Variants in HPSE2 observed in about 807,000 individuals in gnomAD.
The protein encoded by HPSE2 is inactive heparanase-2.
A neutral mutation model predicts 60.5 loss-of-function variants in HPSE2; 38 were observed. The observed-to-expected ratio is 0.63, with a 90% CI of 0.48 to 0.82. The LOEUF (loss-of-function observed/expected upper bound fraction) is 0.82. HPSE2 is among the 40% of genes least tolerant of loss of function. The pLI, the probability that HPSE2 is intolerant of heterozygous loss-of-function variation, is 0.00. For synonymous variants in HPSE2, 295 were observed against 293.2 expected, an observed-to-expected ratio of 1.01 and a Z score of -0.06; for missense variants, 713 against 740.4, an observed-to-expected ratio of 0.96 and a Z score of 0.43.
intron 3 of HPSE2, among the ~76,000 whole-genome samples, chr10:98,834,873 C>CT (rs897284300): frequency 2.2e-4 from 32 of 146,502 alleles, no homozygotes; most frequent in Middle Eastern, 3.4e-3. Flanking sequence ...TCTCACCAGG[C>CT]TTTTTTTTTT....
chr10:98,874,006 GTCT>G (rs1952804508), intron 3 of HPSE2, among the ~76,000 whole-genome samples: 1 of 151,946 alleles, frequency 6.6e-6, no homozygotes, highest in Non-Finnish European at 1.5e-5. Context: ...CCACATAAAT[GTCT>G]TCTTTTGAAA....
At chr10:99,115,804 A>T (rs1190146442) in intron 3 of HPSE2, among the ~76,000 whole-genome samples, 1 of 152,204 alleles carries the variant, frequency 6.6e-6, no homozygotes, top group Non-Finnish European at 1.5e-5. Flanking sequence ...CTTCTAAGCA[A>T]CAGAGAGCAT....
At chr10:98,726,321 T>C (rs1949078115) in intron 4 of HPSE2, among the ~76,000 whole-genome samples, 1 of 152,108 alleles carries the variant, frequency 6.6e-6, no homozygotes, top group Non-Finnish European at 1.5e-5. Context: ...AATGATGAGT[T>C]CATGTCCTTT....
At chr10:98,991,722 G>A (rs1956528836) in intron 3 of HPSE2, among the ~76,000 whole-genome samples, 1 of 152,086 alleles carries the variant, frequency 6.6e-6, no homozygotes. Flanking sequence ...TTTGAAGAGA[G>A]AAGAGAAAGT....
chr10:98,690,436 G>A (rs925567465), intron 6 of HPSE2, among the ~76,000 whole-genome samples: 1 of 152,190 alleles, frequency 6.6e-6, no homozygotes, highest in Non-Finnish European at 1.5e-5. Context: ...AGCTACTCGG[G>A]AGGCTGAGGC....
intron 3 of HPSE2, among the ~76,000 whole-genome samples, chr10:99,006,858 C>A (rs1030536972): frequency 6.6e-6 from 1 of 151,814 alleles, no homozygotes; most frequent in African/African-American, 2.4e-5. Context: ...AGGCCTGGAG[C>A]CAAGGGCTGC....
chr10:98,599,222 C>G (rs1194334434), intron 9 of HPSE2, among the ~76,000 whole-genome samples: 1 of 151,298 alleles, frequency 6.6e-6, no homozygotes, highest in East Asian at 2.0e-4. Flanking sequence ...CTACATGTGT[C>G]AACCTGGTTC....
At chr10:99,272,335 A>G in the HPSE2 span, among the ~76,000 whole-genome samples, 1 of 152,138 alleles carries the variant, frequency 6.6e-6, no homozygotes, top group Non-Finnish European at 1.5e-5. Flanking sequence ...TTCTAGAAGG[A>G]AACATTGGAA....
At chr10:99,257,374 CT>C in the HPSE2 span, among the ~76,000 whole-genome samples, 1 of 152,138 alleles carries the variant, frequency 6.6e-6, no homozygotes, top group Non-Finnish European at 1.5e-5. Flanking sequence ...TCACTGAATT[CT>C]TTTTCTCAGC....
At chr10:99,303,852 C>T in the HPSE2 span, among the ~76,000 whole-genome samples, 2 of 152,086 alleles carry the variant, frequency 1.3e-5, no homozygotes, top group African/African-American at 2.4e-5. Flanking sequence ...TAATTTTTTG[C>T]CCTTGCTTGT....
At chr10:98,957,936 G>C (rs1037763616) in intron 3 of HPSE2, among the ~76,000 whole-genome samples, 5 of 152,088 alleles carry the variant, frequency 3.3e-5, no homozygotes, top group African/African-American at 1.2e-4. Context: ...CTTCGGATTC[G>C]CCCAGATTTC....
At chr10:98,618,944 A>G (rs1418488324) in intron 8 of HPSE2, among the ~76,000 whole-genome samples, 1 of 152,170 alleles carries the variant, frequency 6.6e-6, no homozygotes, top group Non-Finnish European at 1.5e-5. Context: ...CACTTCATGC[A>G]TTTGAACCAC....
chr10:98,736,734 A>G (rs1292215696), intron 4 of HPSE2, among the ~76,000 whole-genome samples: 1 of 152,130 alleles, frequency 6.6e-6, no homozygotes, highest in Non-Finnish European at 1.5e-5. Context: ...GTTTATCCTA[A>G]CTTTACCTTT....
intron 6 of HPSE2, among the ~76,000 whole-genome samples, chr10:98,662,071 T>C (rs1168915974): frequency 5.9e-5 from 9 of 152,120 alleles, no homozygotes; most frequent in African/African-American, 7.2e-5. Flanking sequence ...ATTTTTTGTA[T>C]TTTAGTAGAG....
Position 99,232,748 on chromosome 10 carries a change from G to C in HPSE2, c.291-243C>G, listed in dbSNP as rs3814144. Among the ~76,000 whole-genome samples, 133,410 of 152,280 alleles carry C rather than the reference G, an allele frequency of 0.88. 58,647 individuals carry two copies. The highest frequency in any genetic ancestry group is 0.94 in the African/African-American group (38,986 of 41,588). Reference sequence around the variant, plus strand: ...CAGACGCCCGCAGCGGCCCCCTCCCGCAGACACCCAGATCCTGATCTCCTA... The same window carrying C: ...CAGACGCCCGCAGCGGCCCCCTCCCCCAGACACCCAGATCCTGATCTCCTA... On this transcript the variant is annotated intron_variant, in intron 1 of 11. Transcript: ENST00000370552.
At chr10:98,685,052 G>C (rs900199481) in intron 6 of HPSE2, among the ~76,000 whole-genome samples, 1 of 152,036 alleles carries the variant, frequency 6.6e-6, no homozygotes, top group Non-Finnish European at 1.5e-5. Flanking sequence ...ATTGTATAGG[G>C]AACATCATCT....
chr10:99,117,417 G>GAAAAAAAAAAAAAAAAA lies in HPSE2; in HGVS notation c.610+26804_610+26820dup, dbSNP rs1157232317. On this transcript the variant is annotated intron_variant, in intron 3 of 11. Transcript: ENST00000370552. Reference sequence around the variant, plus strand: ...CAGCAAATCCAAGAGTTGTTTTTTTGAAAAAAAAAAAAAAAAAAAAAAAAA... The same window carrying GAAAAAAAAAAAAAAAAA: ...CAGCAAATCCAAGAGTTGTTTTTTTGAAAAAAAAAAAAAAAAAAAAAAAAAAAAAAAAAAAAAAAAAA... 2.4e-4 allele frequency among the ~76,000 whole-genome samples: 6 copies of GAAAAAAAAAAAAAAAAA among 24,816 alleles called. 1 individual carries two copies. The highest frequency in any genetic ancestry group is 7.8e-4 in the African/African-American group (3 of 3,840). 16.3% of individuals were successfully genotyped at this position (24,816 alleles called of 152,430 possible).
intron 9 of HPSE2, among the ~76,000 whole-genome samples, chr10:98,597,396 G>T (rs1185589007): frequency 6.6e-6 from 1 of 152,016 alleles, no homozygotes; most frequent in African/African-American, 2.4e-5. Flanking sequence ...CATGTGCCAC[G>T]GCTCACACCT....
intron 3 of HPSE2, among the ~76,000 whole-genome samples, chr10:99,077,863 C>G (rs1023285954): frequency 6.6e-6 from 1 of 152,046 alleles, no homozygotes; most frequent in African/African-American, 2.4e-5. Context: ...GAAATGAAAT[C>G]CCCACTGTTG....
Sources: gnomAD v4.1 joint callset for allele counts (sites outside exome capture counted in the v4.1 genomes callset) on GRCh38, gnomAD v4.1.1 for gene constraint, MANE v1.5 for transcripts, NCBI Gene and HGNC (gene_info 2026-07-23, HGNC 2026-07-21) for gene names.